SV2C: variants seen among roughly 807,000 people sequenced by gnomAD.
SV2C encodes the protein synaptic vesicle glycoprotein 2C, also known as solute carrier family 22 member B3.
In SV2C, 49 loss-of-function variants were observed where a neutral mutation model predicts 79.7. The ratio of observed to expected loss-of-function variants is 0.61; its 90% confidence interval spans 0.49 to 0.78. SV2C has a LOEUF of 0.78. Among genes scored for constraint, SV2C ranks in the 30% least tolerant of loss-of-function variants. SV2C has a pLI of 0.00. For synonymous variants in SV2C, 334 were observed against 333.2 expected (o/e 1.00, Z -0.03); for missense variants, 833 against 912.9 (o/e 0.91, Z 1.13).
intron 3 of SV2C, among the ~76,000 whole-genome samples, chr5:76,202,231 AC>A (rs1370069165): frequency 1.3e-5 from 2 of 152,176 alleles, no homozygotes; most frequent in Non-Finnish European, 2.9e-5. Context: ...ATTTTATCAA[AC>A]ACCTCTATAG....
At chr5:76,308,725 C>A (rs919001042) in intron 12 of SV2C, among the ~76,000 whole-genome samples, 2 of 152,198 alleles carry the variant, frequency 1.3e-5, no homozygotes, top group African/African-American at 4.8e-5. Context: ...CATCCCCAAG[C>A]TCCCTAGCAG....
In SV2C at chr5:76,328,626, CTG is replaced by C. The variant is rs1202362524; in HGVS notation, c.*3081_*3082del. 6.6e-6 allele frequency: 1 copy of C among 152,258 alleles called. No individual in the cohort carries two copies. Among genetic ancestry groups the C allele is most frequent in the East Asian group, 1.9e-4 (1 of 5,190 alleles). 9.4% of individuals were successfully genotyped at this position (152,258 alleles called of 1,614,324 possible). On this transcript the variant is annotated 3_prime_UTR_variant, in exon 13 of 13. Coordinates refer to ENST00000502798, the MANE Select transcript of SV2C (RefSeq NM_014979.4). Reference sequence around the variant, plus strand: ...AGGGACCCAGATCTTGCTGTGGAGACTGTAAGTCGTTGAACATCTCTAGTTCT... The same window carrying C: ...AGGGACCCAGATCTTGCTGTGGAGACTAAGTCGTTGAACATCTCTAGTTCT...
the SV2C span, among the ~76,000 whole-genome samples, chr5:75,860,399 C>T: frequency 1.3e-5 from 2 of 152,126 alleles, no homozygotes; most frequent in Non-Finnish European, 2.9e-5. Flanking sequence ...TGAAAGATTA[C>T]TGCAATGAGA....
the SV2C span, among the ~76,000 whole-genome samples, chr5:76,048,998 A>AG: frequency 1.2e-4 from 12 of 98,598 alleles, 1 homozygote; most frequent in South Asian, 6.0e-3. Context: ...AAAGAAAGAA[A>AG]GAAAGAAAGA....
At chr5:75,972,403 G>A in the SV2C span, among the ~76,000 whole-genome samples, 1 of 151,928 alleles carries the variant, frequency 6.6e-6, no homozygotes. Context: ...CTACAAAATG[G>A]GAGAACATTT....
chr5:75,850,335 C>A, the SV2C span, among the ~76,000 whole-genome samples: 1 of 152,136 alleles, frequency 6.6e-6, no homozygotes, highest in South Asian at 2.1e-4. Flanking sequence ...ATGTTTTTCA[C>A]TTCTGAGGCA....
the SV2C span, among the ~76,000 whole-genome samples, chr5:75,870,543 G>C: frequency 3.3e-5 from 5 of 152,204 alleles, no homozygotes; most frequent in East Asian, 9.7e-4. Context: ...GCAAACCTAA[G>C]AGTTATTGGC....
rs1486185546 is a variant in SV2C, at chr5:76,332,232, T to C, written c.*6685T>C. The C allele has an allele frequency of 6.6e-6, 1 of 152,202 alleles. No homozygotes were observed. The highest frequency in any genetic ancestry group is 6.5e-5 in the Admixed American group (1 of 15,272). The allele number at this position is 152,202 out of a possible 1,614,324, so 9.4% of individuals were successfully genotyped here. Reference sequence around the variant, plus strand: ...GAGCAGAAAGCAGTTTTCAACCCTTTGTTCAGACTCAGACGGGTTTCAACT... The same window carrying C: ...GAGCAGAAAGCAGTTTTCAACCCTTCGTTCAGACTCAGACGGGTTTCAACT... On this transcript the variant is annotated 3_prime_UTR_variant, in exon 13 of 13. Coordinates refer to ENST00000502798, the MANE Select transcript of SV2C (RefSeq NM_014979.4).
intron 12 of SV2C, among the ~76,000 whole-genome samples, chr5:76,320,146 C>T (rs1445417211): frequency 6.8e-6 from 1 of 147,892 alleles, no homozygotes; most frequent in Non-Finnish European, 1.5e-5. Context: ...AGCCTCGTCT[C>T]GTCTTCCTTT....
the SV2C span, among the ~76,000 whole-genome samples, chr5:75,952,276 TTCCTTCC>T: frequency 7.2e-6 from 1 of 138,736 alleles, no homozygotes; most frequent in Admixed American, 7.1e-5. Flanking sequence ...CCTTCCTTCC[TTCCTTCC>T]TTCCTTTCTT....
intron 4 of SV2C, among the ~76,000 whole-genome samples, chr5:76,232,944 A>G (rs1180756376): frequency 7.0e-6 from 1 of 141,946 alleles, no homozygotes; most frequent in Non-Finnish European, 1.5e-5. Context: ...TTCCATATGA[A>G]CTTTCAAGTA....
rs1356189939 is a variant in SV2C at position 76,325,530 on chromosome 5, A to T, written c.2167A>T (p.Thr723Ser). The change falls in exon 13 of 13, where the codon ACC becomes TCC. Residue 723 changes from threonine (T) to serine (S), a missense_variant. Transcript: ENST00000502798. ...LVGLCLPDTRTQVLM is the reference protein window; with the variant it reads ...LVGLCLPDTRSQVLM The stretch of plus-strand genomic sequence containing the variant: ...TGGGCTGTGCCTGCCTGACACACGA[A>T]CCCAGGTTCTGATGTAATGGGAAAA... 2 of 1,613,904 alleles carry T rather than the reference A, an allele frequency of 1.2e-6. No homozygotes were observed. Among genetic ancestry groups the T allele is most frequent in the Non-Finnish European group, 1.7e-6 (2 of 1,180,010 alleles).
At chr5:75,972,169 A>G in the SV2C span, among the ~76,000 whole-genome samples, 3 of 152,188 alleles carry the variant, frequency 2.0e-5, no homozygotes, top group Admixed American at 1.3e-4. Flanking sequence ...TTATACATAA[A>G]TTAATTCAAG....
At chr5:76,184,511 GA>G (rs1451670057) in intron 2 of SV2C, among the ~76,000 whole-genome samples, 19 of 152,182 alleles carry the variant, frequency 1.2e-4, no homozygotes, top group African/African-American at 4.3e-4. Context: ...AATTTATAAA[GA>G]AAAGAGGTTT....
chr5:76,246,520 T>C (rs1441577996), intron 4 of SV2C, among the ~76,000 whole-genome samples: 1 of 152,176 alleles, frequency 6.6e-6, no homozygotes, highest in Non-Finnish European at 1.5e-5. Context: ...ATTAAAACAA[T>C]TGGTCAGTTA....
the SV2C span, among the ~76,000 whole-genome samples, chr5:75,992,628 A>T: frequency 2.0e-5 from 3 of 152,020 alleles, no homozygotes; most frequent in African/African-American, 7.2e-5. Context: ...TTCACAGTTC[A>T]TGCACAGACA....
chr5:76,160,338 A>G (rs545665026), intron 2 of SV2C, among the ~76,000 whole-genome samples: 2 of 152,320 alleles, frequency 1.3e-5, no homozygotes, highest in South Asian at 4.1e-4. Flanking sequence ...ACTTACTACC[A>G]AGCAACAGTA....
chr5:75,920,661 T>C, the SV2C span: 3 of 664,310 alleles, frequency 4.5e-6, no homozygotes, highest in Non-Finnish European at 5.5e-6. Context: ...TGGGAGGAAC[T>C]GCCCTCACTC....
intron 2 of SV2C, among the ~76,000 whole-genome samples, chr5:76,165,087 G>A (rs897221765): frequency 6.6e-6 from 1 of 151,822 alleles, no homozygotes; most frequent in Admixed American, 6.6e-5. Context: ...AGTCCACAGA[G>A]GTGGAACCCA....
Sources: gnomAD v4.1 joint callset for allele counts (sites outside exome capture counted in the v4.1 genomes callset) on GRCh38, gnomAD v4.1.1 for gene constraint, MANE v1.5 for transcripts, NCBI Gene and HGNC (gene_info 2026-07-23, HGNC 2026-07-21) for gene names.